Variants in COL21A1 observed in about 807,000 individuals in gnomAD.
COL21A1 encodes the protein collagen alpha-1(XXI) chain.
In COL21A1, 149 loss-of-function variants were observed where a neutral mutation model predicts 137.9. The ratio of observed to expected loss-of-function variants is 1.08; its 90% CI spans 0.95 to 1.24. COL21A1 has a LOEUF of 1.24. Among genes scored for constraint, COL21A1 ranks in the 50% most tolerant of loss-of-function variants. COL21A1 has a pLI of 0.00. For missense variants in COL21A1, 1,167 were observed against 1,158.4 expected (o/e 1.01, Z -0.11); for synonymous variants, 456 against 391.5 (o/e 1.16, Z -1.95).
At chr6:56,172,401 C>A (rs1318395504) in intron 3 of COL21A1, among the ~76,000 whole-genome samples, 1 of 152,098 alleles carries the variant, frequency 6.6e-6, no homozygotes, top group African/African-American at 2.4e-5. Context: ...AAGAAAAAAC[C>A]TGCCAAACAA....
At chr6:56,228,576 G>C (rs934528374) in intron 1 of COL21A1, among the ~76,000 whole-genome samples, 4 of 147,176 alleles carry the variant, frequency 2.7e-5, no homozygotes, top group African/African-American at 1.0e-4. Flanking sequence ...GACATGAAAT[G>C]GTTCATACAT....
intron 12 of COL21A1, among the ~76,000 whole-genome samples, chr6:56,139,484 C>T (rs991023175): frequency 7.9e-6 from 1 of 126,072 alleles, no homozygotes; most frequent in Non-Finnish European, 1.7e-5. Context: ...CACTTGTGCA[C>T]ACACACTTGT....
At chr6:56,255,248 T>C (rs1436620814) in intron 1 of COL21A1, among the ~76,000 whole-genome samples, 1 of 152,010 alleles carries the variant, frequency 6.6e-6, no homozygotes, top group African/African-American at 2.4e-5. Flanking sequence ...GAATAAATGG[T>C]CTTCTAAATT....
intron 1 of COL21A1, among the ~76,000 whole-genome samples, chr6:56,205,587 C>T (rs1057474964): frequency 1.3e-5 from 2 of 152,100 alleles, no homozygotes; most frequent in African/African-American, 4.8e-5. Flanking sequence ...GAGAACTTCC[C>T]CAACCTAGCA....
chr6:56,281,956 A>C (rs1763795622), intron 1 of COL21A1, among the ~76,000 whole-genome samples: 2 of 152,120 alleles, frequency 1.3e-5, no homozygotes, highest in African/African-American at 4.8e-5. Flanking sequence ...AAACTTAGGA[A>C]ATTTTTGTCA....
intron 1 of COL21A1, among the ~76,000 whole-genome samples, chr6:56,359,359 C>G (rs950051415): frequency 1.1e-4 from 16 of 152,094 alleles, no homozygotes; most frequent in African/African-American, 3.6e-4. Flanking sequence ...TTCCAAGGCC[C>G]CTTCAAAATG....
Position 56,349,520 on chromosome 6 carries a change from G to A in COL21A1, c.-39+44451C>T, listed in dbSNP as rs977680049. Among the ~76,000 whole-genome samples the A allele has an allele frequency of 3.9e-5, 6 of 152,134 alleles. No individual in the cohort carries two copies. In the East Asian group the frequency reaches 9.6e-4, roughly 24 times the overall value. On this transcript the variant is annotated intron_variant, in intron 1 of 28. Transcript: ENST00000370819. ...GATGTTAAGAGCTATCACCAAAGTGGCAATAGGTATATCTCTACATGTTTA... is the reference window on the plus strand; with the variant it reads ...GATGTTAAGAGCTATCACCAAAGTGACAATAGGTATATCTCTACATGTTTA...
intron 16 of COL21A1, among the ~76,000 whole-genome samples, chr6:56,107,064 G>A (rs1416662755): frequency 3.3e-5 from 5 of 152,268 alleles, no homozygotes; most frequent in East Asian, 1.9e-4. Flanking sequence ...TGGGATTACA[G>A]GCGTGAGCCA....
chr6:56,134,144 G>A (rs1012124785), intron 12 of COL21A1, among the ~76,000 whole-genome samples: 1 of 152,202 alleles, frequency 6.6e-6, no homozygotes, highest in Non-Finnish European at 1.5e-5. Flanking sequence ...ATGCCAGACT[G>A]TGAAAGCAAT....
At chr6:56,174,091 C>T (rs1178023718) in intron 3 of COL21A1, among the ~76,000 whole-genome samples, 2 of 151,986 alleles carry the variant, frequency 1.3e-5, no homozygotes, top group Non-Finnish European at 2.9e-5. Context: ...GAATAGCCAT[C>T]AGGTCAAAGA....
intron 9 of COL21A1, among the ~76,000 whole-genome samples, chr6:56,160,020 A>G (rs1400222269): frequency 1.3e-5 from 2 of 152,172 alleles, no homozygotes; most frequent in Non-Finnish European, 2.9e-5. Context: ...CAAGAAGAAA[A>G]TAATTTCTTG....
Position 56,127,903 on chromosome 6 carries a change from G to C in COL21A1, c.1543-1754C>G, listed in dbSNP as rs118073318. Among the ~76,000 whole-genome samples, 67 of 152,136 alleles carry C rather than the reference G, an allele frequency of 4.4e-4. No individual in the cohort carries two copies. In the East Asian group the frequency reaches 0.012, roughly 27 times the overall value. ...GGTCTATAATCATCCATTATGCTAG[G>C]TACTCTATAGGCCTTTTCATCTATA... On this transcript the variant is annotated intron_variant, in intron 12 of 29. Transcript: ENST00000244728.
intron 1 of COL21A1, among the ~76,000 whole-genome samples, chr6:56,273,921 A>C (rs1763584024): frequency 6.6e-6 from 1 of 152,156 alleles, no homozygotes; most frequent in Non-Finnish European, 1.5e-5. Flanking sequence ...ACAGAGACAC[A>C]ATGAAAAAAG....
chr6:56,126,777 G>C (rs868801980), intron 12 of COL21A1: 1 of 152,148 alleles, frequency 6.6e-6, no homozygotes, highest in Non-Finnish European at 1.5e-5. Context: ...AATCTTAATT[G>C]TGGAGACATA....
intron 1 of COL21A1, among the ~76,000 whole-genome samples, chr6:56,370,321 C>T (rs1221120953): frequency 6.6e-6 from 1 of 152,166 alleles, no homozygotes; most frequent in Non-Finnish European, 1.5e-5. Context: ...ACCGGCATCA[C>T]GTCCCTCTCT....
chr6:56,129,659 C>G (rs1773339637), intron 12 of COL21A1, among the ~76,000 whole-genome samples: 1 of 144,994 alleles, frequency 6.9e-6, no homozygotes. Flanking sequence ...GTGTTGCTTC[C>G]TCTGTCACGT....
At chr6:56,155,917 C>T (rs146263410) in intron 10 of COL21A1, among the ~76,000 whole-genome samples, 2 of 152,270 alleles carry the variant, frequency 1.3e-5, no homozygotes, top group East Asian at 1.9e-4. Context: ...GCTAATTCTT[C>T]GTGTTTACTC....
chr6:56,362,402 T>C (rs1765994942), intron 1 of COL21A1, among the ~76,000 whole-genome samples: 1 of 152,126 alleles, frequency 6.6e-6, no homozygotes, highest in Admixed American at 6.5e-5. Context: ...AATAAGTAAT[T>C]TTGCCAATTT....
At chr6:56,319,709 T>G (rs1582777716) in intron 1 of COL21A1, among the ~76,000 whole-genome samples, 1 of 152,170 alleles carries the variant, frequency 6.6e-6, no homozygotes, top group East Asian at 1.9e-4. Context: ...TGTTCTTGAA[T>G]AAGCTGATTA....
Sources: allele counts gnomAD v4.1 joint callset (sites outside exome capture counted in the v4.1 genomes callset), GRCh38; gene constraint gnomAD v4.1.1; transcripts MANE v1.5; gene names NCBI Gene and HGNC (gene_info 2026-07-23, HGNC 2026-07-21).